The following EYS variants were observed in gnomAD, a reference collection of about 807,000 sequenced individuals.
EYS encodes protein eyes shut homolog.
EYS carries 250 observed loss-of-function variants against 282.1 expected under a neutral mutation model. The observed-to-expected ratio is 0.89, with a 90% CI of 0.80 to 0.98. The LOEUF (loss-of-function observed/expected upper bound fraction) is 0.98. EYS is among the 50% of genes least tolerant of loss of function. The pLI, the probability that EYS is intolerant of heterozygous loss-of-function variation, is 0.00. For synonymous variants in EYS, 1,355 were observed against 1,282.9 expected, an observed-to-expected ratio of 1.06 and a Z score of -1.20; for missense variants, 4,016 against 3,709.0, an observed-to-expected ratio of 1.08 and a Z score of -2.15.
intron 22 of EYS, among the ~76,000 whole-genome samples, chr6:64,786,112 G>A (rs1009169112): frequency 2.6e-5 from 4 of 151,794 alleles, no homozygotes; most frequent in African/African-American, 7.3e-5. Context: ...ATATAACTCA[G>A]GTTTTACAAT....
At chr6:64,941,860 T>C (rs778162970) in intron 15 of EYS, among the ~76,000 whole-genome samples, 26 of 152,156 alleles carry the variant, frequency 1.7e-4, no homozygotes, top group Non-Finnish European at 3.7e-4. Flanking sequence ...CAATCCCATG[T>C]TGATGGGAAC....
chr6:65,328,112 G>GA (rs1769675781), intron 11 of EYS, among the ~76,000 whole-genome samples: 1 of 151,352 alleles, frequency 6.6e-6, no homozygotes, highest in African/African-American at 2.4e-5. Flanking sequence ...TGCAATCTGT[G>GA]AAAAACGTTT....
chr6:65,063,406 T>C lies in EYS; in HGVS notation c.2024-5679A>G, dbSNP rs527467261. Among the ~76,000 whole-genome samples, 125 of 152,160 alleles carry C rather than the reference T, an allele frequency of 8.2e-4. 1 individual carries two copies. Among genetic ancestry groups the C allele is most frequent in the African/African-American group, 2.9e-3 (121 of 41,562 alleles). On this transcript the variant is annotated intron_variant, in intron 12 of 42. Transcript: ENST00000503581. Reference sequence around the variant, plus strand: ...AAATCTCACTGTATAGCACGTTATATGAGATTTCTTCTTCAGTAGAAAAGA... The same window carrying C: ...AAATCTCACTGTATAGCACGTTATACGAGATTTCTTCTTCAGTAGAAAAGA...
intron 26 of EYS, among the ~76,000 whole-genome samples, chr6:64,474,810 A>G (rs1484609890): frequency 6.6e-6 from 1 of 152,202 alleles, no homozygotes; most frequent in East Asian, 1.9e-4. Flanking sequence ...GCTTTGGGTA[A>G]TTTACTGAAA....
chr6:65,536,333 T>A (rs1767963449), intron 2 of EYS, among the ~76,000 whole-genome samples: 1 of 151,872 alleles, frequency 6.6e-6, no homozygotes, highest in African/African-American at 2.4e-5. Context: ...GATTTTTTTT[T>A]TTTTTCAGGT....
chr6:64,490,935 A>G (rs16895289), intron 26 of EYS, among the ~76,000 whole-genome samples: 7,834 of 150,876 alleles, frequency 0.052, 680 homozygotes, highest in African/African-American at 0.18. Context: ...GGAAACCTTT[A>G]AATACATCAA....
chr6:64,538,027 T>A (rs932246958), intron 26 of EYS, among the ~76,000 whole-genome samples: 1 of 152,146 alleles, frequency 6.6e-6, no homozygotes, highest in South Asian at 2.1e-4. Flanking sequence ...ATACCATAGA[T>A]GTCATGATTA....
intron 2 of EYS, among the ~76,000 whole-genome samples, chr6:65,638,788 C>T (rs1185743835): frequency 1.3e-5 from 2 of 152,176 alleles, no homozygotes; most frequent in Non-Finnish European, 2.9e-5. Context: ...GGATCCTAGC[C>T]GGTGGTGCAA....
chr6:65,155,588 G>C (rs1764712833), intron 12 of EYS, among the ~76,000 whole-genome samples: 1 of 151,298 alleles, frequency 6.6e-6, no homozygotes, highest in Non-Finnish European at 1.5e-5. Context: ...ACTGTCTTGT[G>C]GGTTATTAAC....
intron 1 of EYS, among the ~76,000 whole-genome samples, chr6:65,655,734 CTT>C (rs1767798262): frequency 6.6e-6 from 1 of 151,740 alleles, no homozygotes; most frequent in Non-Finnish European, 1.5e-5. Flanking sequence ...TTGCTGCAAT[CTT>C]ATGATCAAAT....
intron 31 of EYS, among the ~76,000 whole-genome samples, chr6:64,174,131 T>A (rs1191133407): frequency 2.0e-5 from 3 of 152,158 alleles, no homozygotes; most frequent in Non-Finnish European, 4.4e-5. Context: ...TCTATCTATT[T>A]TTATTTATCC....
At chr6:64,243,110 A>G (rs908356436) in intron 30 of EYS, among the ~76,000 whole-genome samples, 2 of 149,970 alleles carry the variant, frequency 1.3e-5, no homozygotes, top group East Asian at 3.9e-4. Flanking sequence ...TTATTTGTAT[A>G]TATAAAATCT....
intron 12 of EYS, among the ~76,000 whole-genome samples, chr6:65,075,623 G>A (rs1215864634): frequency 1.3e-5 from 2 of 151,934 alleles, no homozygotes; most frequent in African/African-American, 4.8e-5. Flanking sequence ...TATTGTATCA[G>A]TCTTTTAGTT....
chr6:65,192,293 C>CTGTGTGTGTGTGTGT (rs1238555447), intron 12 of EYS, among the ~76,000 whole-genome samples: 27 of 142,812 alleles, frequency 1.9e-4, no homozygotes, highest in Non-Finnish European at 3.2e-4. Flanking sequence ...TTTTTCTACT[C>CTGTGTGTGTGTGTGT]TGTGTGTGTG....
At chr6:64,278,943 G>A (rs1362800662) in intron 30 of EYS, among the ~76,000 whole-genome samples, 1 of 152,010 alleles carries the variant, frequency 6.6e-6, no homozygotes, top group Non-Finnish European at 1.5e-5. Flanking sequence ...CTGTAGAGGT[G>A]AGGACTTGTT....
At chr6:64,172,512 G>T (rs2150307636) in intron 31 of EYS, among the ~76,000 whole-genome samples, 2 of 152,194 alleles carry the variant, frequency 1.3e-5, no homozygotes, top group South Asian at 4.1e-4. Flanking sequence ...TGGAAAACAT[G>T]GTGGTTCCTG....
At chr6:64,404,993 A>G (rs1170553379) in intron 28 of EYS, among the ~76,000 whole-genome samples, 4 of 150,056 alleles carry the variant, frequency 2.7e-5, no homozygotes, top group African/African-American at 1.0e-4. Flanking sequence ...TATTTTATTT[A>G]TTTTAAAGTT....
intron 13 of EYS, among the ~76,000 whole-genome samples, chr6:65,042,536 C>T (rs1392779435): frequency 6.6e-6 from 1 of 150,946 alleles, no homozygotes; most frequent in Non-Finnish European, 1.5e-5. Flanking sequence ...TTTGGAATGC[C>T]TTTTGCATAA....
At chr6:64,102,287 C>T (rs1335967521) in intron 31 of EYS, among the ~76,000 whole-genome samples, 1 of 152,078 alleles carries the variant, frequency 6.6e-6, no homozygotes, top group African/African-American at 2.4e-5. Flanking sequence ...CAGAAAAATA[C>T]TGAAACACAC....
Sources: allele counts gnomAD v4.1 joint callset (sites outside exome capture counted in the v4.1 genomes callset), GRCh38; gene constraint gnomAD v4.1.1; transcripts MANE v1.5; gene names NCBI Gene and HGNC (gene_info 2026-07-23, HGNC 2026-07-21).